Variants in RB1 observed in about 807,000 individuals in gnomAD.
RB1 encodes the protein RB transcriptional corepressor 1, also known as retinoblastoma-associated protein.
In RB1, 18 loss-of-function variants were observed where a neutral mutation model predicts 135.4. The ratio of observed to expected loss-of-function variants is 0.13; its 90% CI spans 0.09 to 0.20. RB1 has a LOEUF of 0.20. RB1 is among the 10% of genes least tolerant of loss of function. The pLI, the probability that RB1 is intolerant of heterozygous loss-of-function variation, is 1.00. For synonymous variants in RB1, 365 were observed against 373.2 expected (o/e 0.98, Z 0.25); for missense variants, 868 against 1,110.0 (o/e 0.78, Z 3.10).
intron 26 of RB1, among the ~76,000 whole-genome samples, chr13:48,479,416 C>T (rs1012837196): frequency 1.2e-4 from 19 of 152,204 alleles, no homozygotes; most frequent in African/African-American, 4.6e-4. Context: ...TCAACCACCT[C>T]ATCTCTAGAA....
chr13:48,391,910 G>A (rs1255037860), intron 17 of RB1, among the ~76,000 whole-genome samples: 1 of 151,850 alleles, frequency 6.6e-6, no homozygotes, highest in Non-Finnish European at 1.5e-5. Flanking sequence ...ATGAGCCACC[G>A]CACCCAGCCA....
chr13:48,362,685 A>G, intron 7 of RB1, 130 bp from the exon 8 acceptor site: 2 of 977,072 alleles, frequency 2.0e-6, no homozygotes, highest in Non-Finnish European at 1.6e-6. Flanking sequence ...TTATCCTTCT[A>G]ATGAAACCTA....
At chr13:48,347,905 G>C (rs371791578) in intron 5 of RB1, 42 bp downstream of exon 5, 176 of 1,418,858 alleles carry the variant, frequency 1.2e-4, no homozygotes, top group Non-Finnish European at 1.7e-4. Flanking sequence ...TAAAAAAAAA[G>C]ATTTTTATGG....
At chr13:48,337,020 AGTTT>A (rs1952391296) in intron 2 of RB1, among the ~76,000 whole-genome samples, 2 of 152,168 alleles carry the variant, frequency 1.3e-5, no homozygotes, top group Admixed American at 1.3e-4. Flanking sequence ...CCTGAGTTCT[AGTTT>A]GATTGCACTG....
chr13:48,318,879 C>A, intron 2 of RB1: 2 of 1,140,272 alleles, frequency 1.8e-6, no homozygotes, highest in Non-Finnish European at 2.6e-6. Context: ...GTCTGGATTT[C>A]CTGATCGATG....
At chr13:48,428,885 C>T (rs911824250) in intron 17 of RB1, among the ~76,000 whole-genome samples, 2 of 152,280 alleles carry the variant, frequency 1.3e-5, no homozygotes. Context: ...AATCCAAGTA[C>T]TCTTCAGTTA....
chr13:48,311,762 G>A (rs1351949228), intron 2 of RB1, among the ~76,000 whole-genome samples: 4 of 152,044 alleles, frequency 2.6e-5, no homozygotes, highest in African/African-American at 7.2e-5. Flanking sequence ...GCTGGAGTGC[G>A]TGGCACGATC....
At position 48,480,012 on chromosome 13, in the gene RB1, C is replaced by A. The variant is rs2138364396; in HGVS notation, c.2728C>A (p.Arg910=). The A allele has an allele frequency of 6.2e-7, 1 of 1,613,124 alleles. No individual in the cohort carries two copies. The highest frequency in any genetic ancestry group is 8.5e-7 in the Non-Finnish European group (1 of 1,179,376). The stretch of plus-strand genomic sequence containing the variant: ...CCTTTTTCCAGCTTCTACTCGAACA[C>A]GAATGCAAAAGCAGAAAATGAATGA... ...KLAEMTSTRT[R]MQKQKMNDSM... is the part of the protein sequence containing the mutation. The change falls in exon 27 of 27, where the codon CGA becomes AGA. Residue 910 remains arginine (R), a synonymous_variant. Transcript: ENST00000267163.
chr13:48,402,537 C>T (rs11839271), intron 17 of RB1, among the ~76,000 whole-genome samples: 81,893 of 151,682 alleles, frequency 0.54, 26,622 homozygotes, highest in Middle Eastern at 0.71. Context: ...GCCAACACAC[C>T]CAGCTAATTT....
intron 17 of RB1, among the ~76,000 whole-genome samples, chr13:48,426,123 C>G (rs1385711901): frequency 6.6e-6 from 1 of 152,204 alleles, no homozygotes; most frequent in Non-Finnish European, 1.5e-5. Flanking sequence ...TGGGCAAACT[C>G]TGCCCTGAAC....
In RB1 at chr13:48,412,320, T is replaced by C. The variant is rs1948828415; in HGVS notation, c.1695+30877T>C. Reference sequence around the variant, plus strand: ...GATGAAAATGTATATGGCAACACAATTGGATATTAACCCAAGCACAAACAC... The same window carrying C: ...GATGAAAATGTATATGGCAACACAACTGGATATTAACCCAAGCACAAACAC... On this transcript the variant is annotated intron_variant, in intron 17 of 26. Coordinates refer to ENST00000267163, the MANE Select transcript of RB1 (RefSeq NM_000321.3). 4 of 1,613,130 alleles carry C rather than the reference T, an allele frequency of 2.5e-6. No homozygotes were observed. Among genetic ancestry groups the C allele is most frequent in the Non-Finnish European group, 3.4e-6 (4 of 1,179,132 alleles).
rs35589400 is a variant in RB1, at chr13:48,314,779, C to CAA, written c.264+7383_264+7384dup. Among the ~76,000 whole-genome samples the CAA allele has an allele frequency of 5.3e-3, 761 of 144,934 alleles. 7 individuals are homozygous for CAA. Among genetic ancestry groups the CAA allele is most frequent in the South Asian group, 0.014 (67 of 4,634 alleles). ...TCGTGCCACTGCACTCCAGCCTGGGCAAAAAAAAAAAGAAAAAGCAGCTAA... is the reference window on the plus strand; with the variant it reads ...TCGTGCCACTGCACTCCAGCCTGGGCAAAAAAAAAAAAAGAAAAAGCAGCTAA... On this transcript the variant is annotated intron_variant, in intron 2 of 26. Coordinates refer to ENST00000267163, the MANE Select transcript of RB1 (RefSeq NM_000321.3).
intron 14 of RB1, 99 bp downstream of exon 14, chr13:48,379,749 C>T: frequency 7.1e-7 from 1 of 1,416,892 alleles, no homozygotes; most frequent in Non-Finnish European, 9.6e-7. Context: ...ATCAGGAGGT[C>T]AAGGCATCAA....
At chr13:48,379,494 T>G (rs1489842137) in intron 13 of RB1, 100 bp from the exon 14 acceptor site, 1 of 1,466,114 alleles carries the variant, frequency 6.8e-7, no homozygotes, top group Admixed American at 2.2e-5. Flanking sequence ...AAGGCCAGCC[T>G]GGGCAAAACA....
At chr13:48,340,334 G>A (rs1952431204) in intron 2 of RB1, among the ~76,000 whole-genome samples, 1 of 152,040 alleles carries the variant, frequency 6.6e-6, no homozygotes, top group Admixed American at 6.6e-5. Flanking sequence ...TACTTCTTAT[G>A]GAAGTCAAAA....
At chr13:48,434,821 C>A (rs1277101410) in intron 17 of RB1, among the ~76,000 whole-genome samples, 1 of 152,178 alleles carries the variant, frequency 6.6e-6, no homozygotes, top group African/African-American at 2.4e-5. Flanking sequence ...TAAGTGGAAT[C>A]AAACAGGATT....
Position 48,476,708 on chromosome 13 carries a change from A to C in RB1, c.2528A>C (p.Glu843Ala). The C allele has an allele frequency of 6.2e-7, 1 of 1,612,848 alleles. No homozygotes were observed. The highest frequency in any genetic ancestry group is 8.5e-7 in the Non-Finnish European group (1 of 1,179,002). The change falls in exon 25 of 27, where the codon GAG becomes GCG. Residue 843 changes from glutamate to alanine, a missense_variant. Physicochemically the swap from Glu to Ala is moderately radical, Grantham distance 107 (BLOSUM62 -1). Around this residue, in one of 3 missense-constraint regions of RB1, gnomAD observed 196 missense variants for 239.8 expected, o/e 0.82. Coordinates refer to ENST00000267163, the MANE Select transcript of RB1 (RefSeq NM_000321.3). ...VSIGESFGTSEKFQKINQMVC... is the reference protein window; with the variant it reads ...VSIGESFGTSAKFQKINQMVC... ...GAATTCTGTAATTTGTAGACTTCTG[A>C]GAAGTTCCAGAAAATAAATCAGATG...
chr13:48,455,480 T>G (rs767086525), intron 18 of RB1, among the ~76,000 whole-genome samples: 17 of 152,230 alleles, frequency 1.1e-4, no homozygotes, highest in South Asian at 4.1e-4. Context: ...CTTTTCTTAG[T>G]GTACTGGTTA....
At chr13:48,459,641 A>G in intron 19 of RB1, 47 bp from the exon 20 acceptor site, 1 of 1,600,248 alleles carries the variant, frequency 6.2e-7, no homozygotes, top group Non-Finnish European at 8.6e-7. Context: ...ATCTACTTGT[A>G]ATTCAAAATG....
Sources: allele counts gnomAD v4.1 joint callset (sites outside exome capture counted in the v4.1 genomes callset), GRCh38; gene constraint gnomAD v4.1.1; regional missense constraint gnomAD v4.1.1; transcripts MANE v1.5; gene names NCBI Gene and HGNC (gene_info 2026-07-23, HGNC 2026-07-21).